CCPG1: variants seen among roughly 807,000 people sequenced by gnomAD.
CCPG1 encodes cell cycle progression protein 1.
CCPG1 carries 46 observed loss-of-function variants against 81.3 expected under a neutral mutation model. That is an observed-to-expected ratio of 0.57 (90% CI 0.45 to 0.72). The LOEUF is 0.72. CCPG1 is among the 30% of genes least tolerant of loss of function. The pLI, the probability that CCPG1 is intolerant of heterozygous loss-of-function variation, is 0.00. For missense variants in CCPG1, 902 were observed against 937.6 expected (o/e 0.96, Z 0.50); for synonymous variants, 330 against 305.2 (o/e 1.08, Z -0.85).
intron 3 of CCPG1, among the ~76,000 whole-genome samples, chr15:55,380,033 A>C (rs968435992): frequency 2.0e-5 from 3 of 151,104 alleles, no homozygotes; most frequent in African/African-American, 7.3e-5. Context: ...CCAGGAGGCG[A>C]AGGTTGCAGT....
intron 1 of CCPG1, among the ~76,000 whole-genome samples, chr15:55,389,891 C>A (rs1404899985): frequency 6.6e-6 from 1 of 152,226 alleles, no homozygotes; most frequent in Non-Finnish European, 1.5e-5. Context: ...ATGTTGGCAA[C>A]ATGAAGTAAT....
chr15:55,366,310 T>A lies in CCPG1; in HGVS notation c.707-1001A>T, dbSNP rs545432874. Among the ~76,000 whole-genome samples the A allele has an allele frequency of 2.4e-3, 350 of 148,760 alleles. 1 individual carries two copies. The highest frequency in any genetic ancestry group is 3.4e-3 in the Non-Finnish European group (227 of 67,198). On this transcript the variant is annotated intron_variant, in intron 6 of 8. Transcript: ENST00000442196. The stretch of plus-strand genomic sequence containing the variant: ...TAAGTCAATAAGGAAAAATGAAAAT[T>A]TTTTTTTTTTTTAATATTTTGCCTT...
intron 1 of CCPG1, chr15:55,399,819 C>A (rs1197961690): frequency 6.6e-6 from 1 of 152,090 alleles, no homozygotes; most frequent in Admixed American, 6.6e-5. Flanking sequence ...ACAGGCCGGG[C>A]CCGTTGGCTC....
chr15:55,363,205 C>T (rs1023999643), intron 7 of CCPG1, among the ~76,000 whole-genome samples: 1 of 151,626 alleles, frequency 6.6e-6, no homozygotes, highest in Admixed American at 6.6e-5. Context: ...AAAAATGAAC[C>T]GGGCATGGTG....
At chr15:55,388,960 C>T (rs1250828649) in intron 2 of CCPG1, among the ~76,000 whole-genome samples, 1 of 147,590 alleles carries the variant, frequency 6.8e-6, no homozygotes, top group Non-Finnish European at 1.5e-5. Context: ...TCCAGCTACT[C>T]AGGAGGCTGA....
chr15:55,384,708 T>C (rs959804454), intron 3 of CCPG1, among the ~76,000 whole-genome samples: 4 of 152,002 alleles, frequency 2.6e-5, no homozygotes, highest in African/African-American at 9.7e-5. Context: ...ATTATAAAAA[T>C]GAGACACAGA....
At chr15:55,372,400 C>G in intron 5 of CCPG1, 1 of 251,488 alleles carries the variant, frequency 4.0e-6, no homozygotes, top group Non-Finnish European at 7.8e-6. Context: ...GTGGCTCACG[C>G]CTGTAATCCC....
At chr15:55,377,826 C>G (rs2056598164) in intron 4 of CCPG1, among the ~76,000 whole-genome samples, 1 of 152,240 alleles carries the variant, frequency 6.6e-6, no homozygotes. Flanking sequence ...ACACTTTGAT[C>G]TTAAACTTCC....
At chr15:55,393,362 C>T (rs1462951078) in intron 1 of CCPG1, among the ~76,000 whole-genome samples, 3 of 152,114 alleles carry the variant, frequency 2.0e-5, no homozygotes, top group African/African-American at 4.8e-5. Context: ...ATCATTTGAG[C>T]TCAGGAGTTC....
At chr15:55,357,021 C>G in intron 8 of CCPG1, 1 of 984,898 alleles carries the variant, frequency 1.0e-6, no homozygotes, top group East Asian at 1.1e-4. Context: ...TACCACTCCC[C>G]ACTCCTGTCC....
At chr15:55,361,650 G>A (rs2056199742) in intron 7 of CCPG1, among the ~76,000 whole-genome samples, 2 of 151,428 alleles carry the variant, frequency 1.3e-5, no homozygotes, top group African/African-American at 4.9e-5. Context: ...ATGTTGCAGT[G>A]AGCCGAGATC....
At chr15:55,406,955 C>A (rs112062395) in intron 1 of CCPG1, among the ~76,000 whole-genome samples, 13 of 151,070 alleles carry the variant, frequency 8.6e-5, no homozygotes, top group African/African-American at 3.2e-4. Context: ...TGGGTCACGC[C>A]TGTAATCCCA....
In CCPG1 at chr15:55,359,909, A is replaced by G; in HGVS notation, c.1864T>C (p.Ser622Pro). The change falls in exon 8 of 9, where the codon TCT becomes CCT. Residue 622 changes from serine to proline, a missense_variant. By Grantham distance (74) the Ser-to-Pro change is moderately conservative. Around this residue, in one of 3 missense-constraint regions of CCPG1, gnomAD observed 746 missense variants for 728.6 expected, o/e 1.02. Coordinates refer to ENST00000442196, the MANE Select transcript of CCPG1 (RefSeq NM_001204450.2). Reference protein sequence around the residue: ...CSPGHDCRENSHSFRKACSGV... With the variant: ...CSPGHDCRENPHSFRKACSGV... Reference sequence around the variant, plus strand: ...GAACAAGCCTTTCTGAAAGAATGAGAATTTTCTCTACAATCATGCCCAGGA... The same window carrying G: ...GAACAAGCCTTTCTGAAAGAATGAGGATTTTCTCTACAATCATGCCCAGGA... The G allele has an allele frequency of 6.2e-7, 1 of 1,613,756 alleles. No individual in the cohort carries two copies. Among genetic ancestry groups the G allele is most frequent in the Non-Finnish European group, 8.5e-7 (1 of 1,179,986 alleles).
intron 1 of CCPG1, among the ~76,000 whole-genome samples, chr15:55,390,957 A>G (rs1028817468): frequency 6.6e-6 from 1 of 152,184 alleles, no homozygotes; most frequent in Non-Finnish European, 1.5e-5. Flanking sequence ...TAACTCTACA[A>G]ATTTAAAAGT....
intron 6 of CCPG1, among the ~76,000 whole-genome samples, chr15:55,367,884 C>T (rs1187252280): frequency 6.6e-6 from 1 of 152,148 alleles, no homozygotes; most frequent in Non-Finnish European, 1.5e-5. Flanking sequence ...ACCAAATATC[C>T]AGATTACAGA....
chr15:55,356,791 C>G, intron 8 of CCPG1: 2 of 994,484 alleles, frequency 2.0e-6, no homozygotes, highest in Non-Finnish European at 2.4e-6. Flanking sequence ...CAAAGCAAAA[C>G]AAAAGTCTCA....
At chr15:55,404,995 C>T (rs897467803) in intron 1 of CCPG1, among the ~76,000 whole-genome samples, 7 of 151,638 alleles carry the variant, frequency 4.6e-5, no homozygotes, top group Non-Finnish European at 8.8e-5. Flanking sequence ...GAGGCCAAGG[C>T]GGACAGATCA....
rs1566965753 is a variant in CCPG1, at chr15:55,360,364, CCTTT to C, written c.1405_1408del (p.Lys469GlyfsTer27). 1 of 1,613,864 alleles carries C rather than the reference CCTTT, an allele frequency of 6.2e-7. No homozygotes were observed. The highest frequency in any genetic ancestry group is 1.1e-5 in the South Asian group (1 of 91,068). ...TTTAGCCCTGTGGCTTCCTCTGCCC[CCTTT>C]CTTTTTTCCATCTGTTCCTTGTTTT... On this transcript the variant is annotated frameshift_variant, in exon 8 of 9. Transcript: ENST00000442196. LOFTEE classifies it high-confidence loss of function.
intron 5 of CCPG1, chr15:55,372,275 G>C (rs1046101382): frequency 5.4e-6 from 3 of 557,562 alleles, no homozygotes; most frequent in African/African-American, 3.8e-5. Flanking sequence ...CATACTATTT[G>C]GTGCTTTGAG....
Sources: gnomAD v4.1 joint callset for allele counts (sites outside exome capture counted in the v4.1 genomes callset) on GRCh38, gnomAD v4.1.1 for gene constraint, gnomAD v4.1.1 regional missense constraint, MANE v1.5 for transcripts, NCBI Gene and HGNC (gene_info 2026-07-23, HGNC 2026-07-21) for gene names.